The following BEST2 variants were observed in gnomAD, a reference collection of about 807,000 sequenced individuals.
The protein encoded by BEST2 is bestrophin-2a.
BEST2 carries 36 observed loss-of-function variants against 49.0 expected under a neutral mutation model. The ratio of observed to expected loss-of-function variants is 0.73; its 90% CI spans 0.56 to 0.97. The LOEUF is 0.97. Among genes scored for constraint, BEST2 ranks in the 50% least tolerant of loss-of-function variants. BEST2 has a pLI of 0.00. For synonymous variants in BEST2, 335 were observed against 304.4 expected (o/e 1.10, Z -1.05); for missense variants, 672 against 710.0 (o/e 0.95, Z 0.61).
chr19:12,758,114 G>A lies in BEST2; in HGVS notation c.*37G>A. ...CCAGCCCCCTAAGGACAGGGAACCA[G>A]GTCCCTGCACGGCACCCACGCAGGT... On this transcript the variant is annotated 3_prime_UTR_variant, in exon 10 of 10. Transcript: ENST00000553030. 4 of 1,603,248 alleles carry A rather than the reference G, an allele frequency of 2.5e-6. No homozygotes were observed. Among genetic ancestry groups the A allele is most frequent in the Non-Finnish European group, 3.4e-6 (4 of 1,176,064 alleles).
intron 9 of BEST2, among the ~76,000 whole-genome samples, chr19:12,757,344 G>A (rs1328543391): frequency 1.3e-5 from 2 of 150,116 alleles, no homozygotes; most frequent in Admixed American, 1.3e-4. Flanking sequence ...CCCGGGAGGC[G>A]AAGGTTGTGG....
chr19:12,752,790 C>G (rs778185946), intron 2 of BEST2, 46 bp downstream of exon 2: 2 of 1,442,900 alleles, frequency 1.4e-6, no homozygotes, highest in East Asian at 2.6e-5. Flanking sequence ...GGGGGGGCAG[C>G]TATTATATAT....
chr19:12,757,891 C>CG lies in BEST2; in HGVS notation c.1348dup (p.Asp450GlyfsTer64). The CG allele has an allele frequency of 6.4e-7, 1 of 1,551,680 alleles. No homozygotes were observed. Among genetic ancestry groups the CG allele is most frequent in the Non-Finnish European group, 8.7e-7 (1 of 1,148,942 alleles). ...AAGGCGCGGCCCCGGAGTGCAGCTG[C>CG]GGGGACCCGCTGCTCGACCCCGGCC... On this transcript the variant is annotated frameshift_variant, in exon 10 of 10. Coordinates refer to ENST00000553030, the MANE Select transcript of BEST2 (RefSeq NM_017682.3). LOFTEE classifies it low-confidence loss of function (END_TRUNC).
chr19:12,755,543 C>T lies in BEST2; in HGVS notation c.715-72C>T. 1 of 1,607,968 alleles carries T rather than the reference C, an allele frequency of 6.2e-7. No homozygotes were observed. On this transcript the variant is annotated intron_variant, in intron 6 of 9. Transcript: ENST00000553030. The surrounding 1 kb of genome is among the most constrained non-coding windows in gnomAD (Gnocchi z 4.4). ...GGGAAACCAAGAACTAGCTAAGACC[C>T]CCATCATAATGATGCCTAATCCTAG...
chr19:12,757,411 C>G (rs1362289991), intron 9 of BEST2, among the ~76,000 whole-genome samples: 1 of 151,950 alleles, frequency 6.6e-6, no homozygotes, highest in African/African-American at 2.4e-5. Flanking sequence ...GACTCCGTCT[C>G]AAAATAAAAT....
intron 9 of BEST2, chr19:12,756,719 C>T (rs942076047): frequency 2.6e-5 from 5 of 194,626 alleles, no homozygotes. Context: ...TGGTGGTGCA[C>T]GCCTGTAGTC....
rs544123718 is a variant in BEST2, at chr19:12,755,352, C to T, written c.637-27C>T. 12 of 1,610,836 alleles carry T rather than the reference C, an allele frequency of 7.4e-6. No homozygotes were observed. The highest frequency in any genetic ancestry group is 2.7e-5 in the African/African-American group (2 of 74,838). Reference sequence around the variant, plus strand: ...CCCTGTGTGAGCTCACCATTCAGGCCTCCTCATGACCTGTATCCACCCCCA... The same window carrying T: ...CCCTGTGTGAGCTCACCATTCAGGCTTCCTCATGACCTGTATCCACCCCCA... On this transcript the variant is annotated intron_variant, in intron 5 of 9. Transcript: ENST00000553030. This position sits in a 1 kb window ranked among gnomAD's most constrained non-coding sequence, Gnocchi z 4.4.
At chr19:12,753,393 G>T (rs1417843695) in intron 3 of BEST2, 39 bp downstream of exon 3, 1 of 1,586,808 alleles carries the variant, frequency 6.3e-7, no homozygotes, top group Non-Finnish European at 8.6e-7. Flanking sequence ...CCATGTCCCT[G>T]AGAAACCCAT....
chr19:12,757,827 C>T lies in BEST2; in HGVS notation c.1280C>T (p.Ala427Val), dbSNP rs1038828583. 11 of 1,548,934 alleles carry T rather than the reference C, an allele frequency of 7.1e-6. No individual in the cohort carries two copies. Among genetic ancestry groups the T allele is most frequent in the African/African-American group, 1.4e-5 (1 of 72,996 alleles). ...CGCAAGAACAGCTGCGTGTCGGAGG[C>T]GTCTACTGGGGCCAGCTGCTCATGC... ...LLRKNSCVSE[A>V]STGASCSCAV... The change falls in exon 10 of 10, where the codon GCG becomes GTG. Residue 427 changes from alanine (A) to valine (V), a missense_variant. Transcript: ENST00000553030.
In BEST2 at chr19:12,758,297, C is replaced by T. The variant is rs569026978; in HGVS notation, c.*220C>T. 2 of 588,340 alleles carry T rather than the reference C, an allele frequency of 3.4e-6. No individual in the cohort carries two copies. The highest frequency in any genetic ancestry group is 4.4e-5 in the South Asian group (2 of 45,744). 36.4% of individuals were successfully genotyped at this position (588,340 alleles called of 1,614,324 possible). A position where few individuals can be genotyped will look rare whatever the true frequency, so the allele number is the denominator to read the frequency against. ...GACCACCAGCTCTACTTCCCAACCC[C>T]CACTGCCTGAGAGGTCTCTATCAGT... is the stretch of plus-strand genomic sequence containing the variant. On this transcript the variant is annotated 3_prime_UTR_variant, in exon 10 of 10. Coordinates refer to ENST00000553030, the MANE Select transcript of BEST2 (RefSeq NM_017682.3).
chr19:12,758,352 A>G lies in BEST2; in HGVS notation c.*275A>G, dbSNP rs985755432. 7.7e-6 allele frequency: 4 copies of G among 519,290 alleles called. No homozygotes were observed. The highest frequency in any genetic ancestry group is 5.0e-4 in the Middle Eastern group (1 of 2,020). The allele number at this position is 519,290 out of a possible 1,614,324, so 32.2% of individuals were successfully genotyped here. ...TGCCTGAATTCTTTCCTTCAAGTGA[A>G]GATGTGACTGACTACCTCCTCGAGT... On this transcript the variant is annotated 3_prime_UTR_variant, in exon 10 of 10. Coordinates refer to ENST00000553030, the MANE Select transcript of BEST2 (RefSeq NM_017682.3).
At chr19:12,753,824 G>C (rs979202457) in intron 3 of BEST2, among the ~76,000 whole-genome samples, 5 of 152,196 alleles carry the variant, frequency 3.3e-5, no homozygotes, top group South Asian at 4.2e-4. Context: ...CCCTTCAGAA[G>C]TTCCTGGCTC....
chr19:12,755,642 T>C lies in BEST2; in HGVS notation c.742T>C (p.Phe248Leu). 1 of 1,614,040 alleles carries C rather than the reference T, an allele frequency of 6.2e-7. No homozygotes were observed. The change falls in exon 7 of 10, where the codon TTC (phenylalanine) becomes CTC (leucine). Residue 248 changes from phenylalanine to leucine, a missense_variant. By Grantham distance (22) the Phe-to-Leu change is conservative (BLOSUM62 0). Coordinates refer to ENST00000553030, the MANE Select transcript of BEST2 (RefSeq NM_017682.3). The surrounding 1 kb of genome is among the most constrained non-coding windows in gnomAD (Gnocchi z 4.4). Reference sequence around the variant, plus strand: ...GGTGACCATCGCACTGTACAGCTACTTCCTGGCTTGCCTCATTGGTCGCCA... The same window carrying C: ...GGTGACCATCGCACTGTACAGCTACCTCCTGGCTTGCCTCATTGGTCGCCA... ...QVVTIALYSY[F>L]LACLIGRQFL...
rs147416801 is a variant in BEST2, at chr19:12,752,992, G to A, written c.152+248G>A. 2.4e-3 allele frequency among the ~76,000 whole-genome samples: 372 copies of A among 151,998 alleles called. 3 individuals are homozygous for A. Among genetic ancestry groups the A allele is most frequent in the African/African-American group, 8.6e-3 (355 of 41,434 alleles). On this transcript the variant is annotated intron_variant, in intron 2 of 9. Transcript: ENST00000553030. ...GCCTCCCGAGTAGCTGGGATTATGG[G>A]TGCCAGCCACCATGCCTGGCTAATT... is the stretch of plus-strand genomic sequence containing the variant.
chr19:12,754,821 C>A, intron 4 of BEST2, 36 bp downstream of exon 4: 2 of 1,584,980 alleles, frequency 1.3e-6, no homozygotes, highest in Admixed American at 1.8e-5. Flanking sequence ...AGAGACCGGG[C>A]AAGGACCAGG....
chr19:12,757,261 A>T (rs1967955973), intron 9 of BEST2, among the ~76,000 whole-genome samples: 1 of 151,808 alleles, frequency 6.6e-6, no homozygotes, highest in South Asian at 2.1e-4. Context: ...AAAAATACAA[A>T]AATTAGCCGG....
Position 12,754,685 on chromosome 19 carries a change from ACT to A in BEST2, c.383_384del (p.Leu128HisfsTer44). ...DDRGRLYRRT[L>X]MRYAGLSAVL... ...ACCGCGGCCGCCTCTACCGGCGCAC[ACT>A]CATGCGCTACGCAGGGCTCTCGGCC... On this transcript the variant is annotated frameshift_variant, in exon 4 of 10. Transcript: ENST00000553030. LOFTEE classifies it high-confidence loss of function. 1 of 1,579,858 alleles carries A rather than the reference ACT, an allele frequency of 6.3e-7. No individual in the cohort carries two copies. Among genetic ancestry groups the A allele is most frequent in the Non-Finnish European group, 8.6e-7 (1 of 1,162,348 alleles).
In BEST2 at chr19:12,752,670, G is replaced by A. The variant is rs774309312; in HGVS notation, c.78G>A (p.Gly26=). 2.5e-6 allele frequency: 4 copies of A among 1,612,828 alleles called. No homozygotes were observed. The East Asian group carries it at 8.9e-5, about 36-fold the overall frequency. The part of the protein sequence containing the change: ...GFSQLLLLWR[G]SIYKLLWREL... ...CCCAGCTGCTGCTACTGTGGCGTGGGAGCATCTACAAACTCCTGTGGCGAG... is the reference window on the plus strand; with the variant it reads ...CCCAGCTGCTGCTACTGTGGCGTGGAAGCATCTACAAACTCCTGTGGCGAG... The change falls in exon 2 of 10, where the codon GGG becomes GGA. Residue 26 remains glycine, a synonymous_variant. Coordinates refer to ENST00000553030, the MANE Select transcript of BEST2 (RefSeq NM_017682.3).
In BEST2 at chr19:12,753,324, G is replaced by A; in HGVS notation, c.217G>A (p.Ala73Thr). Residue 73 changes from alanine to threonine, a missense_variant, in exon 3 of 10, where the codon GCC (alanine) becomes ACC (threonine). Ala to Thr is a moderately conservative substitution (Grantham distance 58). This residue lies in a region of BEST2 where 365 missense variants were observed against 390.9 expected (regional missense o/e 0.93). Coordinates refer to ENST00000553030, the MANE Select transcript of BEST2 (RefSeq NM_017682.3). ...GCTTGTGATTTATTGTGACCAGTATGCCAGCCTCATCCCTGTCTCCTTCGT... is the reference window on the plus strand; with the variant it reads ...GCTTGTGATTTATTGTGACCAGTATACCAGCCTCATCCCTGTCTCCTTCGT... ...EKLVIYCDQY[A>T]SLIPVSFVLG... 6.2e-7 allele frequency: 1 copy of A among 1,614,140 alleles called. No homozygotes were observed. The highest frequency in any genetic ancestry group is 8.5e-7 in the Non-Finnish European group (1 of 1,180,010).
Sources: gnomAD v4.1 joint callset for allele counts (sites outside exome capture counted in the v4.1 genomes callset) on GRCh38, gnomAD v4.1.1 for gene constraint, gnomAD v4.1.1 regional missense constraint, Gnocchi (gnomAD v3.1) non-coding constraint, MANE v1.5 for transcripts, NCBI Gene and HGNC (gene_info 2026-07-23, HGNC 2026-07-21) for gene names.